DNAH11: variants seen among roughly 807,000 people sequenced by gnomAD.
The protein encoded by DNAH11 is axonemal beta dynein heavy chain 11.
In DNAH11, 442 loss-of-function variants were observed where a neutral mutation model predicts 526.0. That is an observed-to-expected ratio of 0.84 (90% CI 0.78 to 0.91). The LOEUF (loss-of-function observed/expected upper bound fraction) is 0.91. Ranked by LOEUF, DNAH11 falls within the 40% of genes least tolerant of loss-of-function variation. DNAH11 has a pLI of 0.00. For synonymous variants in DNAH11, 2,461 were observed against 1,935.9 expected (o/e 1.27, Z -7.12); for missense variants, 6,989 against 5,448.7 (o/e 1.28, Z -8.90).
At chr7:21,557,472 G>T (rs1008672897) in intron 2 of DNAH11, among the ~76,000 whole-genome samples, 8 of 152,062 alleles carry the variant, frequency 5.3e-5, no homozygotes, top group Admixed American at 5.2e-4. Flanking sequence ...GTTTGTAGAC[G>T]GCCCCTTCTA....
At chr7:21,859,120 T>C (rs1782961226) in intron 68 of DNAH11, among the ~76,000 whole-genome samples, 1 of 152,110 alleles carries the variant, frequency 6.6e-6, no homozygotes, top group Non-Finnish European at 1.5e-5. Context: ...TTTTTCATTT[T>C]GTTTTGTTTT....
chr7:21,801,015 G>A (rs117089053), intron 61 of DNAH11, 122 bp from the exon 62 acceptor site: 2 of 1,031,464 alleles, frequency 1.9e-6, no homozygotes, highest in Non-Finnish European at 2.9e-6. Flanking sequence ...TGGTAAAGGG[G>A]CAAAGGTTAA....
chr7:21,765,699 T>C, intron 55 of DNAH11, 110 bp downstream of exon 55: 1 of 1,314,092 alleles, frequency 7.6e-7, no homozygotes, highest in Non-Finnish European at 1.0e-6. Context: ...CCACAGTACA[T>C]CTCCTATCAG....
intron 14 of DNAH11, among the ~76,000 whole-genome samples, chr7:21,596,304 G>T (rs1284867914): frequency 6.6e-6 from 1 of 152,180 alleles, no homozygotes; most frequent in Admixed American, 6.5e-5. Context: ...CAAAGTGTGG[G>T]CAGGGCCATG....
chr7:21,683,668 G>C, intron 31 of DNAH11, 116 bp from the exon 32 acceptor site: 1 of 1,181,896 alleles, frequency 8.5e-7, no homozygotes, highest in Non-Finnish European at 1.1e-6. Flanking sequence ...TAGCGTGCAA[G>C]AGATTTCCTA....
intron 28 of DNAH11, among the ~76,000 whole-genome samples, chr7:21,645,764 T>TCTAAAAATCAGATATCTAAATCAGATAC (rs1787329075): frequency 6.6e-6 from 1 of 150,658 alleles, no homozygotes; most frequent in Non-Finnish European, 1.5e-5. Flanking sequence ...AAATCAGATA[T>TCTAAAAATCAGATATCTAAATCAGATAC]CTAAAAATTA....
At chr7:21,766,427 T>A (rs1787188618) in intron 55 of DNAH11, among the ~76,000 whole-genome samples, 1 of 152,142 alleles carries the variant, frequency 6.6e-6, no homozygotes, top group African/African-American at 2.4e-5. Flanking sequence ...CTAGAATAGG[T>A]CAGACACTGA....
At chr7:21,828,889 C>T (rs1309312850) in intron 65 of DNAH11, among the ~76,000 whole-genome samples, 2 of 151,564 alleles carry the variant, frequency 1.3e-5, no homozygotes, top group Admixed American at 1.3e-4. Context: ...GTTATATTAA[C>T]TGTATGAAGC....
intron 20 of DNAH11, among the ~76,000 whole-genome samples, chr7:21,612,951 A>G (rs1785592969): frequency 6.6e-6 from 1 of 152,242 alleles, no homozygotes; most frequent in African/African-American, 2.4e-5. Flanking sequence ...CTATCATTCA[A>G]CATTCATTCA....
At chr7:21,797,946 A>G (rs1445459529) in intron 61 of DNAH11, among the ~76,000 whole-genome samples, 1 of 152,252 alleles carries the variant, frequency 6.6e-6, no homozygotes, top group South Asian at 2.1e-4. Context: ...TACATGCATT[A>G]AGACACATTT....
chr7:21,901,029 A>G lies in DNAH11; in HGVS notation c.13326A>G (p.Ala4442=). The change falls in exon 82 of 82, where the codon GCA becomes GCG. Residue 4442 remains alanine (A), a synonymous_variant. Coordinates refer to ENST00000409508, the MANE Select transcript of DNAH11 (RefSeq NM_001277115.2). ...FMEGARWDTQ[A]GTIVEARLKE... The stretch of plus-strand genomic sequence containing the variant: ...TAGGCGCCCGCTGGGACACCCAAGC[A>G]GGAACCATTGTTGAAGCCCGTCTCA... 6.2e-7 allele frequency: 1 copy of G among 1,609,380 alleles called. No homozygotes were observed. Among genetic ancestry groups the G allele is most frequent in the Non-Finnish European group, 8.5e-7 (1 of 1,177,514 alleles).
chr7:21,797,703 A>G (rs1788781041), intron 61 of DNAH11, among the ~76,000 whole-genome samples: 1 of 152,238 alleles, frequency 6.6e-6, no homozygotes, highest in East Asian at 1.9e-4. Flanking sequence ...CATGCTTGGA[A>G]TCCTGGCTAT....
intron 1 of DNAH11, 33 bp downstream of exon 1, chr7:21,543,629 C>T: frequency 6.4e-7 from 1 of 1,555,598 alleles, no homozygotes; most frequent in Non-Finnish European, 8.7e-7. Flanking sequence ...ACCTGCCCAT[C>T]CAACAAAACT....
At chr7:21,750,468 T>G in intron 54 of DNAH11, 104 bp downstream of exon 54, 1 of 1,447,004 alleles carries the variant, frequency 6.9e-7, no homozygotes, top group South Asian at 1.3e-5. Context: ...CAGTCATGCA[T>G]TTTGAAAGGA....
chr7:21,558,720 G>T (rs1783319770), intron 2 of DNAH11, 82 bp from the exon 3 acceptor site: 1 of 1,078,734 alleles, frequency 9.3e-7, no homozygotes, highest in Non-Finnish European at 1.3e-6. Flanking sequence ...GGACAGTTTT[G>T]TTGCCAATTT....
intron 45 of DNAH11, among the ~76,000 whole-genome samples, chr7:21,729,202 A>G (rs921958701): frequency 1.3e-5 from 2 of 152,168 alleles, no homozygotes; most frequent in Admixed American, 1.3e-4. Flanking sequence ...AGGTTGCTAA[A>G]TTGTCTTGTC....
In DNAH11 at chr7:21,842,746, A is replaced by T. The variant is rs573562262; in HGVS notation, c.10894A>T (p.Lys3632Ter). The T allele has an allele frequency of 6.2e-7, 1 of 1,606,168 alleles. No homozygotes were observed. The highest frequency in any genetic ancestry group is 1.1e-5 in the South Asian group (1 of 89,698). The part of the protein sequence containing the change: ...SIERPDLEKL[K>*]LVLTKHQNDF... ...TGAAAGGCCAGATTTGGAGAAACTT[A>T]AGGTAAAAATGTTTACGTCACCACC... Residue 3632 changes from lysine (K) to a stop codon, truncating the protein, a stop_gained and splice_region_variant, in exon 66 of 82, where the codon AAG (lysine) becomes TAG (stop). Coordinates refer to ENST00000409508, the MANE Select transcript of DNAH11 (RefSeq NM_001277115.2). LOFTEE classifies it high-confidence loss of function.
In DNAH11 at chr7:21,782,907, CAAAA is replaced by C. The variant is rs747285978; in HGVS notation, c.9484-1508_9484-1505del. On this transcript the variant is annotated intron_variant, in intron 57 of 81. Coordinates refer to ENST00000409508, the MANE Select transcript of DNAH11 (RefSeq NM_001277115.2). ...CCTGGGTGACAGAACGAAACTGTCT[CAAAA>C]AAAAAAAAAAAGAAAGAAAGAAAGA... is the stretch of plus-strand genomic sequence containing the variant. Among the ~76,000 whole-genome samples the C allele has an allele frequency of 1.1e-4, 7 of 64,524 alleles. No individual in the cohort carries two copies. The East Asian group carries it at 1.3e-3, about 12-fold the overall frequency. 42.3% of individuals were successfully genotyped at this position (64,524 alleles called of 152,430 possible). A position where few individuals can be genotyped will look rare whatever the true frequency, so the allele number is the denominator to read the frequency against.
chr7:21,653,817 A>G (rs1414685877), intron 28 of DNAH11, among the ~76,000 whole-genome samples: 1 of 152,198 alleles, frequency 6.6e-6, no homozygotes, highest in Non-Finnish European at 1.5e-5. Context: ...TGATACTAAA[A>G]CTGCATGTAC....
Sources: gnomAD v4.1 joint callset for allele counts (sites outside exome capture counted in the v4.1 genomes callset) on GRCh38, gnomAD v4.1.1 for gene constraint, MANE v1.5 for transcripts, NCBI Gene and HGNC (gene_info 2026-07-23, HGNC 2026-07-21) for gene names.